Variants in EPN1 observed in about 807,000 individuals in gnomAD.
The protein encoded by EPN1 is epsin 1.
In EPN1, 25 loss-of-function variants were observed where a neutral mutation model predicts 56.9. The ratio of observed to expected loss-of-function variants is 0.44; its 90% CI spans 0.32 to 0.61. The LOEUF is 0.61. Ranked by LOEUF, EPN1 falls within the 20% of genes least tolerant of loss-of-function variation. The pLI is 0.05. For synonymous variants in EPN1, 411 were observed against 361.8 expected (o/e 1.14, Z -1.54); for missense variants, 785 against 823.7 (o/e 0.95, Z 0.58).
chr19:55,705,808 G>GATATATATATATATATATTTAT lies in EPN1; in HGVS notation c.*10470_*10471insTTATATATATATATATATATAT, dbSNP rs1284243038. 9.7e-6 allele frequency: 1 copy of GATATATATATATATATATTTAT among 103,138 alleles called. No homozygotes were observed. The highest frequency in any genetic ancestry group is 2.0e-5 in the Non-Finnish European group (1 of 50,272). 6.4% of individuals were successfully genotyped at this position (103,138 alleles called of 1,614,324 possible). The stretch of plus-strand genomic sequence containing the variant: ...GTGGCTGGAATATTTGTTGTTGTGG[G>GATATATATATATATATATTTAT]ATATATATATATATATATATTTAGA... On this transcript the variant is annotated 3_prime_UTR_variant, in exon 11 of 11. Transcript: ENST00000270460.
intron 9 of EPN1, 100 bp downstream of exon 9, chr19:55,693,137 C>A: frequency 8.3e-7 from 1 of 1,197,712 alleles, no homozygotes; most frequent in Non-Finnish European, 1.2e-6. Context: ...CAGGCAGGGC[C>A]GGCTGGACTT....
At chr19:55,677,249 C>G (rs1985499599) in intron 1 of EPN1, 11 of 1,268,872 alleles carry the variant, frequency 8.7e-6, no homozygotes, top group Non-Finnish European at 1.1e-5. Context: ...GGCTGAACCT[C>G]TGTGTCTCAG....
chr19:55,683,689 G>A (rs373203191), intron 2 of EPN1, among the ~76,000 whole-genome samples: 9 of 152,354 alleles, frequency 5.9e-5, no homozygotes, highest in Non-Finnish European at 1.2e-4. Context: ...TGGTAGTCCC[G>A]CTGTGTGAGC....
At chr19:55,692,171 C>T (rs529693544) in intron 7 of EPN1, 114 bp downstream of exon 7, 14 of 1,045,036 alleles carry the variant, frequency 1.3e-5, no homozygotes, top group East Asian at 9.3e-5. Context: ...AGTGGTGGGG[C>T]GTCCTGGGTG....
In EPN1 at chr19:55,678,761, A is replaced by G. The variant is rs763721618; in HGVS notation, c.134A>G (p.Asp45Gly). 2.5e-6 allele frequency: 4 copies of G among 1,614,006 alleles called. No individual in the cohort carries two copies. The highest frequency in any genetic ancestry group is 3.4e-6 in the Non-Finnish European group (4 of 1,179,986). Residue 45 changes from aspartate (D) to glycine (G), a missense_variant, in exon 2 of 11, where the codon GAC becomes GGC. Around this residue, in one of 2 missense-constraint regions of EPN1, gnomAD observed 135 missense variants for 218.7 expected, o/e 0.62. Coordinates refer to ENST00000270460, the MANE Select transcript of EPN1 (RefSeq NM_001130072.2). Reference protein sequence around the residue: ...PSSSLMSEIADLTYNVVAFSE... With the variant: ...PSSSLMSEIAGLTYNVVAFSE... ...AGCTCCCTCATGTCAGAGATTGCCG[A>G]CCTCACCTACAACGTTGTCGCCTTC...
intron 2 of EPN1, among the ~76,000 whole-genome samples, chr19:55,679,678 C>T (rs945737248): frequency 1.3e-5 from 2 of 152,226 alleles, no homozygotes; most frequent in African/African-American, 2.4e-5. Flanking sequence ...GGGTGGTTCC[C>T]TCCACTCACA....
At chr19:55,685,760 C>G (rs747301341) in intron 3 of EPN1, 115 bp downstream of exon 3, 27 of 1,349,496 alleles carry the variant, frequency 2.0e-5, no homozygotes, top group Non-Finnish European at 2.5e-5. Context: ...CGCGGCATCC[C>G]CCTTTGCTTC....
rs60852116 is a variant in EPN1 at position 55,699,984 on chromosome 19, G to A, written c.*4628G>A. 0.12 allele frequency: 17,999 copies of A among 151,340 alleles called. 1,172 individuals carry two copies. Among genetic ancestry groups the A allele is most frequent in the East Asian group, 0.25 (1,306 of 5,130 alleles). 9.4% of individuals were successfully genotyped at this position (151,340 alleles called of 1,614,324 possible). A position where few individuals can be genotyped will look rare whatever the true frequency, so the allele number is the denominator to read the frequency against. Reference sequence around the variant, plus strand: ...CGCCCAGGCTGGAGTGCAGTGGCTCGATCTCTGCTCACTGCAAGCTCCGCC... The same window carrying A: ...CGCCCAGGCTGGAGTGCAGTGGCTCAATCTCTGCTCACTGCAAGCTCCGCC... On this transcript the variant is annotated 3_prime_UTR_variant, in exon 11 of 11. Coordinates refer to ENST00000270460, the MANE Select transcript of EPN1 (RefSeq NM_001130072.2).
chr19:55,690,213 C>T (rs1162259768), intron 6 of EPN1, among the ~76,000 whole-genome samples: 5 of 152,232 alleles, frequency 3.3e-5, no homozygotes, highest in Non-Finnish European at 7.4e-5. Flanking sequence ...TGAGGGCCAC[C>T]ACCGGCCGCC....
Position 55,689,986 on chromosome 19 carries a change from C to A in EPN1, c.762+36C>A. ...CTTGTTCTGCCCTCCCTGGCCCCTG[C>A]AGGTGTCCGTCCGTCCCATCGCTCA... On this transcript the variant is annotated intron_variant, in intron 6 of 10. Coordinates refer to ENST00000270460, the MANE Select transcript of EPN1 (RefSeq NM_001130072.2). This position sits in a 1 kb window ranked among gnomAD's most constrained non-coding sequence, Gnocchi z 5.7. 1 of 1,547,220 alleles carries A rather than the reference C, an allele frequency of 6.5e-7. No individual in the cohort carries two copies. The highest frequency in any genetic ancestry group is 8.8e-7 in the Non-Finnish European group (1 of 1,140,570).
chr19:55,705,931 A>G lies in EPN1; in HGVS notation c.*10575A>G, dbSNP rs929875191. ...ATCATAGCTCACCATGGGATTCTTG[A>G]TTTTCAGTGAGTATAAAGTGTAAGA... On this transcript the variant is annotated 3_prime_UTR_variant, in exon 11 of 11. Coordinates refer to ENST00000270460, the MANE Select transcript of EPN1 (RefSeq NM_001130072.2). 6.6e-6 allele frequency: 1 copy of G among 152,554 alleles called. No homozygotes were observed. The highest frequency in any genetic ancestry group is 1.5e-5 in the Non-Finnish European group (1 of 68,614). The allele number at this position is 152,554 out of a possible 1,614,324, so 9.5% of individuals were successfully genotyped here. A position where few individuals can be genotyped will look rare whatever the true frequency, so the allele number is the denominator to read the frequency against.
At chr19:55,687,362 CG>C (rs758650029) in intron 3 of EPN1, among the ~76,000 whole-genome samples, 9 of 151,992 alleles carry the variant, frequency 5.9e-5, no homozygotes, top group Non-Finnish European at 1.3e-4. Flanking sequence ...CTGTGGTCCC[CG>C]GGCAGCACCG....
At chr19:55,688,704 GC>G (rs1986327158) in intron 3 of EPN1, among the ~76,000 whole-genome samples, 165 bp from the exon 4 acceptor site, 1 of 151,914 alleles carries the variant, frequency 6.6e-6, no homozygotes. Flanking sequence ...TGAGCACCTG[GC>G]GTCTGGTCTC....
In EPN1 at chr19:55,699,389, C is replaced by T. The variant is rs1021741622; in HGVS notation, c.*4033C>T. 2.0e-5 allele frequency: 3 copies of T among 152,186 alleles called. No homozygotes were observed. The highest frequency in any genetic ancestry group is 7.2e-5 in the African/African-American group (3 of 41,440). The allele number at this position is 152,186 out of a possible 1,614,324, so 9.4% of individuals were successfully genotyped here. A position where few individuals can be genotyped will look rare whatever the true frequency, so the allele number is the denominator to read the frequency against. ...GCGTCCGGCCAGAAATGTTTTATTT[C>T]TTGAGAACTTGTCTGTCTCTGTGAT... On this transcript the variant is annotated 3_prime_UTR_variant, in exon 11 of 11. Transcript: ENST00000270460.
chr19:55,678,984 C>T, intron 2 of EPN1, 129 bp downstream of exon 2: 1 of 663,078 alleles, frequency 1.5e-6, no homozygotes, highest in Admixed American at 2.9e-5. Context: ...TAAAATCTCT[C>T]TTTTTGTTTA....
rs747877283 is a variant in EPN1, at chr19:55,707,402, A to C, written c.*12046A>C. The C allele has an allele frequency of 1.3e-5, 2 of 152,446 alleles. No individual in the cohort carries two copies. Among genetic ancestry groups the C allele is most frequent in the African/African-American group, 2.4e-5 (1 of 41,472 alleles). The allele number at this position is 152,446 out of a possible 1,614,324, so 9.4% of individuals were successfully genotyped here. ...AATACCCAAAAACCAGTCAAATGTG[A>C]AACTGGTGTCAGGGGTATGTTCTCC... On this transcript the variant is annotated 3_prime_UTR_variant, in exon 11 of 11. Transcript: ENST00000270460.
rs547254011 is a variant in EPN1 at position 55,696,394 on chromosome 19, C to G, written c.*1038C>G. 4 of 152,398 alleles carry G rather than the reference C, an allele frequency of 2.6e-5. No individual in the cohort carries two copies. Among genetic ancestry groups the G allele is most frequent in the African/African-American group, 9.6e-5 (4 of 41,568 alleles). 9.4% of individuals were successfully genotyped at this position (152,398 alleles called of 1,614,324 possible). On this transcript the variant is annotated 3_prime_UTR_variant, in exon 11 of 11. Coordinates refer to ENST00000270460, the MANE Select transcript of EPN1 (RefSeq NM_001130072.2). ...GACAGCTTGTTGCAGGCCCCACAGC[C>G]AGGGCCTCAGGGATGGGGATCTGGC...
At position 55,706,701 on chromosome 19, in the gene EPN1, GTAAA is replaced by G. The variant is rs1393602448; in HGVS notation, c.*11346_*11349del. 4.0e-5 allele frequency: 6 copies of G among 150,916 alleles called. No homozygotes were observed. Among genetic ancestry groups the G allele is most frequent in the South Asian group, 2.1e-4 (1 of 4,780 alleles). 9.3% of individuals were successfully genotyped at this position (150,916 alleles called of 1,614,324 possible). A position where few individuals can be genotyped will look rare whatever the true frequency, so the allele number is the denominator to read the frequency against. ...GAAGGGAGAGATTTAAAAAACAATA[GTAAA>G]GAGAGATTTAAAAAACAATAGTAAA... On this transcript the variant is annotated 3_prime_UTR_variant, in exon 11 of 11. Transcript: ENST00000270460.
At position 55,702,674 on chromosome 19, in the gene EPN1, T is replaced by G. The variant is rs1445596894; in HGVS notation, c.*7318T>G. On this transcript the variant is annotated 3_prime_UTR_variant, in exon 11 of 11. Transcript: ENST00000270460. ...TTAGGAAGTTTTTTGCTGGGGACTC[T>G]CTTCGCCCTATCTACCTAAATGATT... The G allele has an allele frequency of 6.6e-6, 1 of 152,272 alleles. No individual in the cohort carries two copies. Among genetic ancestry groups the G allele is most frequent in the Admixed American group, 6.5e-5 (1 of 15,290 alleles). 9.4% of individuals were successfully genotyped at this position (152,272 alleles called of 1,614,324 possible).
Sources: gnomAD v4.1 joint callset for allele counts (sites outside exome capture counted in the v4.1 genomes callset) on GRCh38, gnomAD v4.1.1 for gene constraint, gnomAD v4.1.1 regional missense constraint, Gnocchi (gnomAD v3.1) non-coding constraint, MANE v1.5 for transcripts, NCBI Gene and HGNC (gene_info 2026-07-23, HGNC 2026-07-21) for gene names.